The following GPHN variants were observed in gnomAD, a reference collection of about 807,000 sequenced individuals.
The protein encoded by GPHN is gephyrin.
GPHN carries 17 observed loss-of-function variants against 95.5 expected under a neutral mutation model. The ratio of observed to expected loss-of-function variants is 0.18; its 90% CI spans 0.12 to 0.27. GPHN has a LOEUF of 0.27. Among genes scored for constraint, GPHN ranks in the 10% least tolerant of loss-of-function variants. The pLI is 1.00. For synonymous variants in GPHN, 320 were observed against 322.5 expected (o/e 0.99, Z 0.08); for missense variants, 660 against 978.1 (o/e 0.67, Z 4.34).
chr14:66,610,664 TTAAGGAA>T (rs1595220289), intron 1 of GPHN, among the ~76,000 whole-genome samples: 1 of 152,268 alleles, frequency 6.6e-6, no homozygotes, highest in East Asian at 1.9e-4. Context: ...TTAAAGTACA[TTAAGGAA>T]GACTTTATTT....
the GPHN span, among the ~76,000 whole-genome samples, chr14:67,191,962 C>T: frequency 6.6e-6 from 1 of 152,188 alleles, no homozygotes; most frequent in Non-Finnish European, 1.5e-5. Flanking sequence ...TCAGTTGGAA[C>T]TTGAAAAACA....
intron 8 of GPHN, among the ~76,000 whole-genome samples, chr14:66,957,607 A>G (rs748376751): frequency 9.2e-5 from 14 of 152,168 alleles, no homozygotes; most frequent in Non-Finnish European, 2.1e-4. Context: ...GTGGCCTAAT[A>G]TATATGGTAT....
chr14:66,783,296 G>A (rs1411910869), intron 3 of GPHN, among the ~76,000 whole-genome samples: 1 of 152,158 alleles, frequency 6.6e-6, no homozygotes, highest in Admixed American at 6.5e-5. Flanking sequence ...GCAGGGCTGA[G>A]TAGGGAGCTA....
chr14:67,657,598 G>GCGCA, the GPHN span, among the ~76,000 whole-genome samples: 47 of 112,424 alleles, frequency 4.2e-4, no homozygotes, highest in African/African-American at 1.5e-3. Context: ...GCGCGCGCGT[G>GCGCA]CACACACACA....
chr14:66,818,164 T>C (rs926745908), intron 3 of GPHN, among the ~76,000 whole-genome samples: 3 of 152,108 alleles, frequency 2.0e-5, no homozygotes, highest in African/African-American at 7.2e-5. Context: ...TTTACATAGG[T>C]AAACATATGT....
At chr14:66,688,439 T>G (rs1417136998) in intron 2 of GPHN, among the ~76,000 whole-genome samples, 1 of 152,188 alleles carries the variant, frequency 6.6e-6, no homozygotes, top group Non-Finnish European at 1.5e-5. Context: ...CTAACTGAAT[T>G]TTATTTTTGT....
the GPHN span, chr14:67,279,028 T>C: frequency 1.3e-6 from 1 of 742,552 alleles, no homozygotes; most frequent in Admixed American, 3.7e-5. Context: ...ATTTCCTTCA[T>C]GGATACTTTT....
chr14:66,737,942 G>A (rs749298714), intron 2 of GPHN, among the ~76,000 whole-genome samples: 2 of 152,192 alleles, frequency 1.3e-5, no homozygotes, highest in African/African-American at 4.8e-5. Flanking sequence ...ACTCAAGTTA[G>A]AGCAAGTTAC....
the GPHN span, among the ~76,000 whole-genome samples, chr14:67,293,657 C>T: frequency 6.6e-6 from 1 of 152,140 alleles, no homozygotes; most frequent in African/African-American, 2.4e-5. Flanking sequence ...ATACTATTCA[C>T]ACATGTAGGC....
At chr14:67,302,630 T>C in the GPHN span, 9 of 1,243,956 alleles carry the variant, frequency 7.2e-6, no homozygotes, top group East Asian at 5.6e-5. Flanking sequence ...TATTAGACTT[T>C]AGAATAAAAT....
intron 6 of GPHN, among the ~76,000 whole-genome samples, chr14:66,917,299 C>A (rs1365777373): frequency 6.6e-6 from 1 of 152,106 alleles, no homozygotes; most frequent in Admixed American, 6.5e-5. Context: ...GAATGTCTCC[C>A]AGAATGATGC....
chr14:66,919,740 C>A lies in GPHN; in HGVS notation c.457-2926C>A, dbSNP rs568975968. 3.9e-5 allele frequency among the ~76,000 whole-genome samples: 6 copies of A among 152,224 alleles called. 1 individual carries two copies. In the Middle Eastern group the frequency reaches 0.014, roughly 345 times the overall value. Reference sequence around the variant, plus strand: ...GAGCCCACTTTCTGCATGGAAGGCCCCCAGTTGCTTCTCTCTACTTTTGGA... The same window carrying A: ...GAGCCCACTTTCTGCATGGAAGGCCACCAGTTGCTTCTCTCTACTTTTGGA... On this transcript the variant is annotated intron_variant, in intron 6 of 22. Coordinates refer to ENST00000478722, the MANE Select transcript of GPHN (RefSeq NM_020806.5).
the GPHN span, among the ~76,000 whole-genome samples, chr14:67,572,669 A>G: frequency 4.6e-5 from 7 of 152,078 alleles, no homozygotes; most frequent in African/African-American, 1.4e-4. Flanking sequence ...TGTCCTCACA[A>G]TCCTCTTGGG....
chr14:66,834,293 T>C (rs1426416606), intron 4 of GPHN, among the ~76,000 whole-genome samples: 2 of 152,150 alleles, frequency 1.3e-5, no homozygotes, highest in African/African-American at 2.4e-5. Flanking sequence ...CTATTTTTTA[T>C]GCATGAAAAA....
At chr14:67,161,275 A>G (rs1401031823) in intron 19 of GPHN, among the ~76,000 whole-genome samples, 1 of 152,220 alleles carries the variant, frequency 6.6e-6, no homozygotes, top group East Asian at 1.9e-4. Context: ...CCTGGGTAAC[A>G]GAGTGAGACC....
chr14:67,339,768 T>C, the GPHN span, among the ~76,000 whole-genome samples: 1 of 152,152 alleles, frequency 6.6e-6, no homozygotes, highest in African/African-American at 2.4e-5. Flanking sequence ...AGTTTTTATG[T>C]AGGAGGCACC....
intron 11 of GPHN, among the ~76,000 whole-genome samples, chr14:67,076,177 C>A (rs2076485571): frequency 6.6e-6 from 1 of 152,142 alleles, no homozygotes; most frequent in Admixed American, 6.5e-5. Context: ...AACATGGAGG[C>A]AAGACCCTCC....
At chr14:67,360,358 G>A in the GPHN span, 2 of 397,338 alleles carry the variant, frequency 5.0e-6, no homozygotes, top group Non-Finnish European at 8.9e-6. Flanking sequence ...AGCGCACGCT[G>A]AGGAGGATCG....
intron 5 of GPHN, among the ~76,000 whole-genome samples, chr14:66,911,858 A>AT (rs1188667806): frequency 6.6e-6 from 1 of 152,004 alleles, no homozygotes; most frequent in Non-Finnish European, 1.5e-5. Flanking sequence ...ATCCCATTAT[A>AT]TAGTCTGTGG....
Sources: gnomAD v4.1 joint callset for allele counts (sites outside exome capture counted in the v4.1 genomes callset) on GRCh38, gnomAD v4.1.1 for gene constraint, MANE v1.5 for transcripts, NCBI Gene and HGNC (gene_info 2026-07-23, HGNC 2026-07-21) for gene names.